Variants in LUZP2 observed in about 807,000 individuals in gnomAD.
LUZP2 encodes leucine zipper protein 2.
A neutral mutation model predicts 51.6 loss-of-function variants in LUZP2; 52 were observed. That is an observed-to-expected ratio of 1.01 (90% CI 0.81 to 1.27). The LOEUF is 1.27. Ranked by LOEUF, LUZP2 falls within the 50% of genes most tolerant of loss-of-function variation. The probability of loss-of-function intolerance (pLI) is 0.00; values close to 1 mark genes in which losing one functional copy is unlikely to be tolerated. For missense variants in LUZP2, 436 were observed against 395.4 expected (o/e 1.10, Z -0.87); for synonymous variants, 154 against 137.3 (o/e 1.12, Z -0.85).
At chr11:24,775,747 C>A (rs1848896864) in intron 5 of LUZP2, among the ~76,000 whole-genome samples, 1 of 152,092 alleles carries the variant, frequency 6.6e-6, no homozygotes, top group Non-Finnish European at 1.5e-5. Context: ...ATCTGGGTCA[C>A]TTTTTCGGTT....
rs567871637 is a variant in LUZP2, at chr11:24,851,926, C to G, written c.397-54065C>G. On this transcript the variant is annotated intron_variant, in intron 5 of 11. Transcript: ENST00000336930. Reference sequence around the variant, plus strand: ...TGCATAGCGGGGTTTATAGTATTCTCTGATGGTAGTTTATATTTCTGTGGG... The same window carrying G: ...TGCATAGCGGGGTTTATAGTATTCTGTGATGGTAGTTTATATTTCTGTGGG... Among the ~76,000 whole-genome samples the G allele has an allele frequency of 3.2e-4, 48 of 152,306 alleles. No individual in the cohort carries two copies. In the South Asian group the frequency reaches 8.9e-3, roughly 28 times the overall value.
chr11:24,956,711 A>G (rs1855222632), intron 7 of LUZP2, among the ~76,000 whole-genome samples: 1 of 152,104 alleles, frequency 6.6e-6, no homozygotes, highest in Non-Finnish European at 1.5e-5. Context: ...AGGAAGAACA[A>G]TAAGAGAAGG....
chr11:24,984,524 T>A (rs369427442), intron 9 of LUZP2, among the ~76,000 whole-genome samples: 2,591 of 89,952 alleles, frequency 0.029, 207 homozygotes, highest in African/African-American at 0.094. Flanking sequence ...ATTACATATT[T>A]TATATATATA....
At chr11:24,842,449 A>AG (rs1851063976) in intron 5 of LUZP2, among the ~76,000 whole-genome samples, 1 of 151,884 alleles carries the variant, frequency 6.6e-6, no homozygotes, top group South Asian at 2.1e-4. Context: ...TAGGTCAGTC[A>AG]GGGAAAAAAA....
chr11:24,540,093 C>T (rs1486490168), intron 1 of LUZP2, among the ~76,000 whole-genome samples: 1 of 152,040 alleles, frequency 6.6e-6, no homozygotes. Context: ...ATTAATATTA[C>T]CATATGAAAC....
chr11:24,622,886 A>G (rs1236318692), intron 1 of LUZP2, among the ~76,000 whole-genome samples: 1 of 152,210 alleles, frequency 6.6e-6, no homozygotes, highest in South Asian at 2.1e-4. Context: ...ATTTTTAGGC[A>G]AACTGTCTTT....
chr11:24,570,401 T>A (rs1200732973), intron 1 of LUZP2, among the ~76,000 whole-genome samples: 1 of 152,104 alleles, frequency 6.6e-6, no homozygotes, highest in Non-Finnish European at 1.5e-5. Context: ...TACTGTATTA[T>A]TAAGGCATTA....
intron 1 of LUZP2, among the ~76,000 whole-genome samples, chr11:24,538,455 T>TA (rs566902899): frequency 3.1e-3 from 477 of 151,908 alleles, no homozygotes; most frequent in Non-Finnish European, 5.2e-3. Flanking sequence ...ATTGGGCACA[T>TA]ACTTTCTTCC....
At chr11:25,059,951 G>A (rs943667436) in intron 10 of LUZP2, among the ~76,000 whole-genome samples, 1 of 152,152 alleles carries the variant, frequency 6.6e-6, no homozygotes, top group Non-Finnish European at 1.5e-5. Context: ...GGAGATGAAA[G>A]ATAGAACCAA....
chr11:24,794,796 A>G (rs1473837588), intron 5 of LUZP2, among the ~76,000 whole-genome samples: 1 of 152,170 alleles, frequency 6.6e-6, no homozygotes, highest in East Asian at 1.9e-4. Flanking sequence ...TAAAAAATGT[A>G]CTTGTAAATA....
At chr11:24,794,305 A>C (rs955585049) in intron 5 of LUZP2, among the ~76,000 whole-genome samples, 2 of 152,174 alleles carry the variant, frequency 1.3e-5, no homozygotes, top group Non-Finnish European at 2.9e-5. Flanking sequence ...TGCACATGGC[A>C]TACTACTCTT....
At chr11:24,854,892 C>T (rs765504670) in intron 5 of LUZP2, among the ~76,000 whole-genome samples, 4 of 152,210 alleles carry the variant, frequency 2.6e-5, no homozygotes, top group Middle Eastern at 3.4e-3. Flanking sequence ...GGGAATTTCT[C>T]GACCCCTTTC....
chr11:24,608,704 T>C (rs905531189), intron 1 of LUZP2, among the ~76,000 whole-genome samples: 1 of 152,204 alleles, frequency 6.6e-6, no homozygotes, highest in Non-Finnish European at 1.5e-5. Flanking sequence ...ATTTTTTGTA[T>C]ACTTTTGTGA....
chr11:25,030,981 TAATACAATATATA>T lies in LUZP2; in HGVS notation c.766-19056_766-19044del, dbSNP rs1276965814. Among the ~76,000 whole-genome samples, 19 of 2,430 alleles carry T rather than the reference TAATACAATATATA, an allele frequency of 7.8e-3. 6 individuals are homozygous for T. The East Asian group carries it at 0.088, about 11-fold the overall frequency. 1.6% of individuals were successfully genotyped at this position (2,430 alleles called of 152,430 possible). On this transcript the variant is annotated intron_variant, in intron 9 of 11. Coordinates refer to ENST00000336930, the MANE Select transcript of LUZP2 (RefSeq NM_001009909.4). ...TAATACAATATATATTATATATATA[TAATACAATATATA>T]TTATATATATATATATATATATTTT...
At position 24,503,604 on chromosome 11, in the gene LUZP2, A is replaced by G. The variant is rs189252760; in HGVS notation, c.62+6299A>G. On this transcript the variant is annotated intron_variant, in intron 1 of 11. Transcript: ENST00000336930. ...TCTTTAAGTGTACTTTAAAAAGCCT[A>G]CGATTGGGACACATATTGTGAACAC... Among the ~76,000 whole-genome samples, 529 of 152,294 alleles carry G rather than the reference A, an allele frequency of 3.5e-3. 1 individual carries two copies. Among genetic ancestry groups the G allele is most frequent in the African/African-American group, 0.012 (505 of 41,566 alleles).
intron 1 of LUZP2, among the ~76,000 whole-genome samples, chr11:24,696,135 G>A (rs1857239598): frequency 6.6e-6 from 1 of 152,090 alleles, no homozygotes; most frequent in Non-Finnish European, 1.5e-5. Context: ...CATGGGGACA[G>A]TGGTCTTGGT....
intron 5 of LUZP2, among the ~76,000 whole-genome samples, chr11:24,804,015 A>G (rs1025063220): frequency 6.6e-6 from 1 of 150,534 alleles, no homozygotes; most frequent in Non-Finnish European, 1.5e-5. Context: ...AAAAAAAAAA[A>G]CTAGGAATAA....
At chr11:24,800,274 C>T (rs1849659835) in intron 5 of LUZP2, among the ~76,000 whole-genome samples, 1 of 152,104 alleles carries the variant, frequency 6.6e-6, no homozygotes, top group Non-Finnish European at 1.5e-5. Context: ...GGGAAATTCT[C>T]ATGAAAGACT....
At chr11:24,716,667 C>A (rs986323859) in intron 1 of LUZP2, among the ~76,000 whole-genome samples, 5 of 152,092 alleles carry the variant, frequency 3.3e-5, no homozygotes, top group Admixed American at 3.3e-4. Flanking sequence ...GAGTCCAAGG[C>A]GGACGGATCA....
Sources: gnomAD v4.1 joint callset for allele counts (sites outside exome capture counted in the v4.1 genomes callset) on GRCh38, gnomAD v4.1.1 for gene constraint, MANE v1.5 for transcripts, NCBI Gene and HGNC (gene_info 2026-07-23, HGNC 2026-07-21) for gene names.